Variants in DHTKD1 observed in about 807,000 individuals in gnomAD.
DHTKD1 encodes the protein 2-oxoadipate dehydrogenase complex component E1.
DHTKD1 carries 78 observed loss-of-function variants against 101.8 expected under a neutral mutation model. The ratio of observed to expected loss-of-function variants is 0.77; its 90% confidence interval spans 0.64 to 0.93. DHTKD1 has a LOEUF of 0.93. Ranked by LOEUF, DHTKD1 falls within the 40% of genes least tolerant of loss-of-function variation. DHTKD1 has a pLI of 0.00. For synonymous variants in DHTKD1, 462 were observed against 450.3 expected (o/e 1.03, Z -0.33); for missense variants, 1,223 against 1,161.7 (o/e 1.05, Z -0.77).
In DHTKD1 at chr10:12,075,179, G is replaced by A. The variant is rs567348697; in HGVS notation, c.154+5992G>A. ...TCAATGCATAGAGATCACTGCTTCT[G>A]TTTCTTTTTCTTTTTTTTGAGACGG... On this transcript the variant is annotated intron_variant, in intron 1 of 16. Transcript: ENST00000263035. Among the ~76,000 whole-genome samples, 33 of 152,110 alleles carry A rather than the reference G, an allele frequency of 2.2e-4. 1 individual carries two copies. The highest frequency in any genetic ancestry group is 1.9e-3 in the Admixed American group (29 of 15,254).
In DHTKD1 at chr10:12,097,887, C is replaced by A; in HGVS notation, c.1562C>A (p.Thr521Asn). 6.2e-7 allele frequency: 1 copy of A among 1,614,220 alleles called. No individual in the cohort carries two copies. The highest frequency in any genetic ancestry group is 8.5e-7 in the Non-Finnish European group (1 of 1,180,032). The change falls in exon 8 of 17, where the codon ACC (threonine) becomes AAC (asparagine). Residue 521 changes from threonine (T) to asparagine (N), a missense_variant. Physicochemically the swap from Thr to Asn is moderately conservative, Grantham distance 65. Transcript: ENST00000263035. ...GCTCAGCCAGAAGCGCAAATCACCA[C>A]CTGGAGTACAGGTGTGCCCCTCGAC... ...GLAQPEAQITTWSTGVPLDLL... is the reference protein window; with the variant it reads ...GLAQPEAQITNWSTGVPLDLL...
chr10:12,100,285 C>CTTTTTTT lies in DHTKD1; in HGVS notation c.1756+24_1756+25insTTTTTTT, dbSNP rs571364518. ...AAGGTAAGAATTTTCTTTTTTTTTT[C>CTTTTTTT]TGTTTTTTTTTTTTTTGAGTCTCAC... is the stretch of plus-strand genomic sequence containing the variant. On this transcript the variant is annotated intron_variant, in intron 9 of 16. Transcript: ENST00000263035. 154 of 229,400 alleles carry CTTTTTTT rather than the reference C, an allele frequency of 6.7e-4. 5 individuals are homozygous for CTTTTTTT. The highest frequency in any genetic ancestry group is 8.5e-4 in the South Asian group (14 of 16,490). 14.2% of individuals were successfully genotyped at this position (229,400 alleles called of 1,614,324 possible).
At chr10:12,111,365 C>T (rs1833327052) in intron 12 of DHTKD1, among the ~76,000 whole-genome samples, 1 of 152,154 alleles carries the variant, frequency 6.6e-6, no homozygotes, top group African/African-American at 2.4e-5. Flanking sequence ...GGGGTTTCAC[C>T]ATGTTGACCA....
chr10:12,110,069 C>T lies in DHTKD1; in HGVS notation c.2154+2054C>T, dbSNP rs888711663. 2.6e-5 allele frequency among the ~76,000 whole-genome samples: 4 copies of T among 151,872 alleles called. No homozygotes were observed. The highest frequency in any genetic ancestry group is 5.9e-5 in the Non-Finnish European group (4 of 67,936). ...ATCCCAGCACTTTGGGAGGCCGAGG[C>T]GGGCGGATCATGAGGTCAGGAGATG... On this transcript the variant is annotated intron_variant, in intron 12 of 16. Transcript: ENST00000263035. This position sits in a 1 kb window ranked among gnomAD's most constrained non-coding sequence, Gnocchi z 4.9.
chr10:12,106,158 G>A lies in DHTKD1; in HGVS notation c.1897-88G>A, dbSNP rs141005567. ...TGAACGAGAGCAAGGCTCCCTCTCC[G>A]CACCACCTCCCTTCGATAAGTTCGC... On this transcript the variant is annotated intron_variant, in intron 10 of 16. Coordinates refer to ENST00000263035, the MANE Select transcript of DHTKD1 (RefSeq NM_018706.7). 4.4e-4 allele frequency: 607 copies of A among 1,383,760 alleles called. 8 individuals carry two copies. The East Asian group carries it at 0.013, about 30-fold the overall frequency. The allele number at this position is 1,383,760 out of a possible 1,614,324, so 85.7% of individuals were successfully genotyped here.
intron 5 of DHTKD1, among the ~76,000 whole-genome samples, chr10:12,089,972 A>ATT (rs11311430): frequency 9.4e-5 from 14 of 149,130 alleles, no homozygotes; most frequent in African/African-American, 2.7e-4. Flanking sequence ...TACCTAGCCT[A>ATT]TTTTTTTTTT....
At chr10:12,083,309 C>T (rs1181882042) in intron 2 of DHTKD1, among the ~76,000 whole-genome samples, 1 of 152,122 alleles carries the variant, frequency 6.6e-6, no homozygotes, top group South Asian at 2.1e-4. Context: ...AAGAAAATCT[C>T]ACAATGTTTT....
chr10:12,109,892 T>A (rs1833301929), intron 12 of DHTKD1, among the ~76,000 whole-genome samples: 1 of 151,926 alleles, frequency 6.6e-6, no homozygotes, highest in Admixed American at 6.6e-5. Flanking sequence ...ATGACTGCGG[T>A]TTTGATGGAG....
At chr10:12,073,378 GCT>G (rs1378618235) in intron 1 of DHTKD1, among the ~76,000 whole-genome samples, 1 of 150,912 alleles carries the variant, frequency 6.6e-6, no homozygotes, top group Non-Finnish European at 1.5e-5. Flanking sequence ...ACAGGGTCTT[GCT>G]CTGTCACCCA....
In DHTKD1 at chr10:12,113,062, C is replaced by T; in HGVS notation, c.2317C>T (p.Pro773Ser). 6.2e-7 allele frequency: 1 copy of T among 1,603,408 alleles called. No individual in the cohort carries two copies. The highest frequency in any genetic ancestry group is 1.1e-5 in the South Asian group (1 of 89,166). Residue 773 changes from proline to serine, a missense_variant and splice_region_variant, in exon 13 of 17, where the codon CCG becomes TCG. Coordinates refer to ENST00000263035, the MANE Select transcript of DHTKD1 (RefSeq NM_018706.7). ...VASPKMLLRL[P>S]AAVSTLQEMA... The stretch of plus-strand genomic sequence containing the variant: ...TTCCCCTAAGATGTTACTCAGGCTC[C>T]CGGTAAGCAGAAGGTGGTGAATAAG...
chr10:12,084,457 A>G lies in DHTKD1; in HGVS notation c.311-83A>G. On this transcript the variant is annotated intron_variant, in intron 2 of 16. Transcript: ENST00000263035. ...TTAAACATTGGGGTTAATTTAGAAG[A>G]AAATACAGTATATAATAATCTCAAC... 1.1e-5 allele frequency: 10 copies of G among 929,154 alleles called. No homozygotes were observed. In the South Asian group the frequency reaches 1.5e-4, roughly 14 times the overall value. The allele number at this position is 929,154 out of a possible 1,614,324, so 57.6% of individuals were successfully genotyped here.
intron 2 of DHTKD1, among the ~76,000 whole-genome samples, chr10:12,084,021 C>T (rs1261082467): frequency 6.6e-6 from 1 of 151,854 alleles, no homozygotes. Context: ...CTCCCAGGTT[C>T]AAGCAATTGT....
In DHTKD1 at chr10:12,107,770, A is replaced by T; in HGVS notation, c.2048-139A>T. The T allele has an allele frequency of 1.6e-6, 1 of 610,634 alleles. No homozygotes were observed. The highest frequency in any genetic ancestry group is 2.9e-6 in the Non-Finnish European group (1 of 339,544). 37.8% of individuals were successfully genotyped at this position (610,634 alleles called of 1,614,324 possible). Reference sequence around the variant, plus strand: ...GACATTTCCCTAAGTATAGCATAACAGTTCTAGAAGGTGCATGTAATGAAA... The same window carrying T: ...GACATTTCCCTAAGTATAGCATAACTGTTCTAGAAGGTGCATGTAATGAAA... On this transcript the variant is annotated intron_variant, in intron 11 of 16. Transcript: ENST00000263035. The surrounding 1 kb of genome is among the most constrained non-coding windows in gnomAD (Gnocchi z 4.1).
chr10:12,081,156 C>G (rs916515789), intron 1 of DHTKD1, among the ~76,000 whole-genome samples: 1 of 151,502 alleles, frequency 6.6e-6, no homozygotes, highest in Admixed American at 6.6e-5. Context: ...AAAAAATTAG[C>G]CAGGCTACTT....
At position 12,091,604 on chromosome 10, in the gene DHTKD1, T is replaced by C. The variant is rs147571909; in HGVS notation, c.1079T>C (p.Val360Ala). 9,168 of 1,613,612 alleles carry C rather than the reference T, an allele frequency of 5.7e-3. 37 individuals carry two copies. Among genetic ancestry groups the C allele is most frequent in the Non-Finnish European group, 7.2e-3 (8,500 of 1,179,922 alleles). The change falls in exon 6 of 17, where the codon GTG (valine) becomes GCG (alanine). Residue 360 changes from valine to alanine, a missense_variant. Physicochemically the swap from Val to Ala is moderately conservative, Grantham distance 64 (BLOSUM62 0). Coordinates refer to ENST00000263035, the MANE Select transcript of DHTKD1 (RefSeq NM_018706.7). ...CCACATTTCAGAATTGGTGGGAGTG[T>C]GCATTTGATTGTTAATAACCAGCTG... ...NLPHFRIGGS[V>A]HLIVNNQLGY...
chr10:12,094,222 G>T lies in DHTKD1; in HGVS notation c.1309G>T (p.Glu437Ter), dbSNP rs138884194. ...GTGCTACAGGCAGTGGGGCCACAAT[G>T]AGCTGGATGAGCCATTCTACACCAA... ...LLCYRQWGHN[E>*]LDEPFYTNPI... is the part of the protein sequence containing the mutation. The change falls in exon 7 of 17, where the codon GAG becomes TAG. Residue 437 changes from glutamate to a stop codon, truncating the protein, a stop_gained. Transcript: ENST00000263035. LOFTEE classifies it high-confidence loss of function. 1.0e-4 allele frequency: 166 copies of T among 1,614,026 alleles called. No homozygotes were observed. The highest frequency in any genetic ancestry group is 1.4e-4 in the Non-Finnish European group (160 of 1,180,042).
chr10:12,101,271 CTTTGGG>C, intron 10 of DHTKD1, 90 bp downstream of exon 10: 16 of 1,441,094 alleles, frequency 1.1e-5, no homozygotes, highest in Non-Finnish European at 1.4e-5. Flanking sequence ...GTGCTGGCAA[CTTTGGG>C]TTCAGTACTT....
At position 12,085,273 on chromosome 10, in the gene DHTKD1, G is replaced by A. The variant is rs574310883; in HGVS notation, c.522+522G>A. Reference sequence around the variant, plus strand: ...TGCAGTGAGCTGAGATCGCGCCACTGCACTCCAGCCTGGGTGACAGAGCGA... The same window carrying A: ...TGCAGTGAGCTGAGATCGCGCCACTACACTCCAGCCTGGGTGACAGAGCGA... On this transcript the variant is annotated intron_variant, in intron 3 of 16. Transcript: ENST00000263035. 4.6e-5 allele frequency among the ~76,000 whole-genome samples: 7 copies of A among 152,016 alleles called. No homozygotes were observed. The East Asian group carries it at 1.4e-3, about 29-fold the overall frequency.
At chr10:12,118,665 A>G (rs1588620585) in intron 14 of DHTKD1, 84 bp from the exon 15 acceptor site, 1 of 1,191,226 alleles carries the variant, frequency 8.4e-7, no homozygotes, top group East Asian at 2.8e-5. Flanking sequence ...TACAGGCGTG[A>G]GCTACTGCAC....
Sources: gnomAD v4.1 joint callset for allele counts (sites outside exome capture counted in the v4.1 genomes callset) on GRCh38, gnomAD v4.1.1 for gene constraint, Gnocchi (gnomAD v3.1) non-coding constraint, MANE v1.5 for transcripts, NCBI Gene and HGNC (gene_info 2026-07-23, HGNC 2026-07-21) for gene names.